TEAD1: variants seen among roughly 807,000 people sequenced by gnomAD.
TEAD1 encodes the protein TEA domain transcription factor 1, also known as transcriptional enhancer factor TEF-1.
Under a neutral mutation model 54.9 loss-of-function variants are expected in TEAD1, and 9 were observed. The observed-to-expected ratio is 0.16, with a 90% CI of 0.10 to 0.29. The LOEUF (loss-of-function observed/expected upper bound fraction) is 0.29, where lower values mean the gene tolerates loss of function less well. Ranked by LOEUF, TEAD1 falls within the 10% of genes least tolerant of loss-of-function variation. The probability of loss-of-function intolerance (pLI) is 1.00; values close to 1 mark genes in which losing one functional copy is unlikely to be tolerated. For synonymous variants in TEAD1, 200 were observed against 187.8 expected, an observed-to-expected ratio of 1.07 and a Z score of -0.53; for missense variants, 387 against 535.9, an observed-to-expected ratio of 0.72 and a Z score of 2.74.
At chr11:12,810,434 A>G (rs747366114) in intron 3 of TEAD1, among the ~76,000 whole-genome samples, 2 of 152,150 alleles carry the variant, frequency 1.3e-5, no homozygotes, top group African/African-American at 4.8e-5. Context: ...ACTCAGAGAC[A>G]TTCTCCCATT....
rs1415090263 is a variant in TEAD1, at chr11:12,939,359, CCT to C, written c.*2141_*2142del. The C allele has an allele frequency of 6.6e-6, 1 of 152,432 alleles. No individual in the cohort carries two copies. Among genetic ancestry groups the C allele is most frequent in the Non-Finnish European group, 1.5e-5 (1 of 68,118 alleles). The allele number at this position is 152,432 out of a possible 1,614,324, so 9.4% of individuals were successfully genotyped here. A position where few individuals can be genotyped will look rare whatever the true frequency, so the allele number is the denominator to read the frequency against. ...CATCTTTCCTTAAGGGAAGCCCCAT[CCT>C]CTCCCAGGACCAGGAGTTTATGACC... On this transcript the variant is annotated 3_prime_UTR_variant, in exon 13 of 13. Transcript: ENST00000527636.
chr11:12,737,094 T>C (rs1944549064), intron 2 of TEAD1, among the ~76,000 whole-genome samples: 4 of 152,180 alleles, frequency 2.6e-5, no homozygotes, highest in Admixed American at 2.0e-4. Flanking sequence ...ATTAATTTAC[T>C]TTGAGAGCTA....
chr11:12,844,959 C>CTTTTT (rs3046338), intron 3 of TEAD1, among the ~76,000 whole-genome samples: 1,468 of 64,698 alleles, frequency 0.023, 129 homozygotes, highest in South Asian at 0.041. Context: ...TGTATGAAAT[C>CTTTTT]TTTTTTTTTT....
chr11:12,779,025 T>A (rs1770905052), intron 3 of TEAD1, among the ~76,000 whole-genome samples: 1 of 152,214 alleles, frequency 6.6e-6, no homozygotes, highest in African/African-American at 2.4e-5. Flanking sequence ...CCTAGAAAAG[T>A]TAGTCTTTGA....
intron 4 of TEAD1, 60 bp downstream of exon 4, chr11:12,862,374 C>A: frequency 1.3e-6 from 2 of 1,502,568 alleles, no homozygotes; most frequent in Non-Finnish European, 1.9e-6. Flanking sequence ...GGCATTTTGG[C>A]TGCAGTGGCT....
intron 3 of TEAD1, among the ~76,000 whole-genome samples, chr11:12,799,480 C>A (rs1946005017): frequency 1.3e-5 from 2 of 152,198 alleles, no homozygotes; most frequent in Non-Finnish European, 2.9e-5. Flanking sequence ...GTGTTTCCCT[C>A]TGAAATTGGC....
intron 3 of TEAD1, among the ~76,000 whole-genome samples, chr11:12,773,869 C>T (rs1243279950): frequency 6.6e-6 from 1 of 151,986 alleles, no homozygotes; most frequent in African/African-American, 2.4e-5. Flanking sequence ...ATTGCCTAGC[C>T]CTAGGTCCTG....
At chr11:12,875,553 C>A (rs937904442) in intron 5 of TEAD1, among the ~76,000 whole-genome samples, 5 of 152,128 alleles carry the variant, frequency 3.3e-5, no homozygotes, top group African/African-American at 1.2e-4. Context: ...ACATTTTAAT[C>A]CTTTTAATTT....
chr11:12,871,139 G>A (rs146931871), intron 5 of TEAD1, among the ~76,000 whole-genome samples: 2 of 152,312 alleles, frequency 1.3e-5, no homozygotes, highest in East Asian at 3.9e-4. Flanking sequence ...TGTGAAAGAG[G>A]CTTCTAGGCC....
intron 9 of TEAD1, among the ~76,000 whole-genome samples, chr11:12,891,251 A>G (rs994230659): frequency 2.0e-5 from 3 of 152,156 alleles, no homozygotes; most frequent in African/African-American, 7.2e-5. Flanking sequence ...TGCATATACA[A>G]TCTAATATGA....
chr11:12,798,887 C>T lies in TEAD1; in HGVS notation c.202+34453C>T, dbSNP rs189718005. On this transcript the variant is annotated intron_variant, in intron 3 of 12. Coordinates refer to ENST00000527636, the MANE Select transcript of TEAD1 (RefSeq NM_021961.6). ...GCAGTGCTGTTCTAGGCTCAGTCCA[C>T]GAATTGGTTTGCCTTTTCTCCTTTC... is the stretch of plus-strand genomic sequence containing the variant. Among the ~76,000 whole-genome samples, 13 of 152,312 alleles carry T rather than the reference C, an allele frequency of 8.5e-5. No homozygotes were observed. In the East Asian group the frequency reaches 2.3e-3, roughly 27 times the overall value.
At chr11:12,929,773 A>C (rs1461898469) in intron 11 of TEAD1, among the ~76,000 whole-genome samples, 1 of 152,130 alleles carries the variant, frequency 6.6e-6, no homozygotes, top group Non-Finnish European at 1.5e-5. Context: ...GAGATTAGCT[A>C]TATTGGTTGT....
chr11:12,784,560 C>T (rs1401524269), intron 3 of TEAD1, among the ~76,000 whole-genome samples: 1 of 152,184 alleles, frequency 6.6e-6, no homozygotes, highest in Non-Finnish European at 1.5e-5. Flanking sequence ...CATATGAAAC[C>T]TTACAGATGC....
At chr11:12,836,436 A>T (rs79787327) in intron 3 of TEAD1, among the ~76,000 whole-genome samples, 1 of 150,924 alleles carries the variant, frequency 6.6e-6, no homozygotes, top group Non-Finnish European at 1.5e-5. Flanking sequence ...AAAAAAAAAA[A>T]TTGTTGCTTT....
In TEAD1 at chr11:12,682,488, T is replaced by C. The variant is rs201818480; in HGVS notation, c.-55+6927T>C. On this transcript the variant is annotated intron_variant, in intron 2 of 12. Coordinates refer to ENST00000527636, the MANE Select transcript of TEAD1 (RefSeq NM_021961.6). Reference sequence around the variant, plus strand: ...TTTGCTTTCTGAGTAGCAGGGATGCTCCTAGAGGTCGTTGGGTGGTATGCC... The same window carrying C: ...TTTGCTTTCTGAGTAGCAGGGATGCCCCTAGAGGTCGTTGGGTGGTATGCC... Among the ~76,000 whole-genome samples the C allele has an allele frequency of 5.9e-5, 9 of 152,286 alleles. No individual in the cohort carries two copies. In the East Asian group the frequency reaches 1.7e-3, roughly 29 times the overall value.
At position 12,942,819 on chromosome 11, in the gene TEAD1, A is replaced by G. The variant is rs1025011731; in HGVS notation, c.*5597A>G. On this transcript the variant is annotated 3_prime_UTR_variant, in exon 13 of 13. Transcript: ENST00000527636. ...ATGAATGTGCTACGAGAAACTTCCAAAGAGCACCATTCACAATTTGGCATT... is the reference window on the plus strand; with the variant it reads ...ATGAATGTGCTACGAGAAACTTCCAGAGAGCACCATTCACAATTTGGCATT... 1 of 152,202 alleles carries G rather than the reference A, an allele frequency of 6.6e-6. No individual in the cohort carries two copies. The highest frequency in any genetic ancestry group is 2.4e-5 in the African/African-American group (1 of 41,452). The allele number at this position is 152,202 out of a possible 1,614,324, so 9.4% of individuals were successfully genotyped here.
chr11:12,738,201 A>T (rs1944575779), intron 2 of TEAD1, among the ~76,000 whole-genome samples: 1 of 152,170 alleles, frequency 6.6e-6, no homozygotes, highest in Non-Finnish European at 1.5e-5. Flanking sequence ...ATATGGCAGA[A>T]ATACATAGAA....
intron 3 of TEAD1, among the ~76,000 whole-genome samples, chr11:12,861,030 G>A (rs1350528493): frequency 6.6e-6 from 1 of 152,190 alleles, no homozygotes; most frequent in Non-Finnish European, 1.5e-5. Context: ...TTTTCACAAG[G>A]ATAGAGCTGA....
chr11:12,773,484 T>A (rs1244058853), intron 3 of TEAD1, among the ~76,000 whole-genome samples: 1 of 152,232 alleles, frequency 6.6e-6, no homozygotes, highest in Admixed American at 6.5e-5. Flanking sequence ...TGATACCTCA[T>A]GTGGTTTTAA....
Sources: allele counts gnomAD v4.1 joint callset (sites outside exome capture counted in the v4.1 genomes callset), GRCh38; gene constraint gnomAD v4.1.1; transcripts MANE v1.5; gene names NCBI Gene and HGNC (gene_info 2026-07-23, HGNC 2026-07-21).